Variants in RAD54B observed in about 807,000 individuals in gnomAD.
RAD54B encodes the protein RAD54 homolog B.
Under a neutral mutation model 95.8 loss-of-function variants are expected in RAD54B, and 78 were observed. The ratio of observed to expected loss-of-function variants is 0.81; its 90% CI spans 0.68 to 0.98. The LOEUF is 0.98. Among genes scored for constraint, RAD54B ranks in the 50% least tolerant of loss-of-function variants. The probability of loss-of-function intolerance (pLI) is 0.00; values close to 1 mark genes in which losing one functional copy is unlikely to be tolerated. For synonymous variants in RAD54B, 328 were observed against 354.9 expected (o/e 0.92, Z 0.85); for missense variants, 957 against 1,056.6 (o/e 0.91, Z 1.31).
At chr8:94,423,443 G>T (rs1375480810) in intron 3 of RAD54B, among the ~76,000 whole-genome samples, 1 of 152,122 alleles carries the variant, frequency 6.6e-6, no homozygotes, top group African/African-American at 2.4e-5. Context: ...AAATTTTGTA[G>T]CAAAGATTCA....
At chr8:94,406,003 T>TACACAC (rs10640285) in intron 5 of RAD54B, among the ~76,000 whole-genome samples, 11,395 of 147,792 alleles carry the variant, frequency 0.077, 737 homozygotes, top group African/African-American at 0.18. Flanking sequence ...GAAGTGCTTT[T>TACACAC]ACACACACAC....
chr8:94,422,752 TTA>T (rs369490267), intron 3 of RAD54B, among the ~76,000 whole-genome samples: 1,561 of 125,304 alleles, frequency 0.012, 35 homozygotes, highest in African/African-American at 0.041. Context: ...CCACAAAAAA[TTA>T]TATATATATA....
chr8:94,452,440 T>G (rs1385492160), intron 3 of RAD54B, among the ~76,000 whole-genome samples: 25 of 152,200 alleles, frequency 1.6e-4, no homozygotes, highest in Admixed American at 1.6e-3. Context: ...ACATTACACA[T>G]ATACATACAA....
rs560682651 is a variant in RAD54B, at chr8:94,406,598, C to T, written c.781+841G>A. Among the ~76,000 whole-genome samples the T allele has an allele frequency of 5.3e-5, 8 of 152,242 alleles. No individual in the cohort carries two copies. The East Asian group carries it at 1.5e-3, about 29-fold the overall frequency. On this transcript the variant is annotated intron_variant, in intron 5 of 14. Coordinates refer to ENST00000336148, the MANE Select transcript of RAD54B (RefSeq NM_012415.3). Reference sequence around the variant, plus strand: ...TCATCTTCCTGGGCCTCAGTTTTCTCCAATGCAAAGTGAAGAGACGAATCT... The same window carrying T: ...TCATCTTCCTGGGCCTCAGTTTTCTTCAATGCAAAGTGAAGAGACGAATCT...
chr8:94,462,644 T>G (rs1277020915), intron 2 of RAD54B, among the ~76,000 whole-genome samples: 1 of 152,098 alleles, frequency 6.6e-6, no homozygotes, highest in Non-Finnish European at 1.5e-5. Context: ...TAAGAAATAG[T>G]TTAAAAACAA....
intron 3 of RAD54B, among the ~76,000 whole-genome samples, chr8:94,420,251 A>ATAT (rs1244145955): frequency 3.4e-5 from 4 of 117,034 alleles, no homozygotes; most frequent in African/African-American, 1.3e-4. Flanking sequence ...AGAAAACTTG[A>ATAT]TTTTTTTTTT....
At chr8:94,398,604 A>C (rs1294912616) in intron 8 of RAD54B, among the ~76,000 whole-genome samples, 1 of 152,144 alleles carries the variant, frequency 6.6e-6, no homozygotes, top group Non-Finnish European at 1.5e-5. Context: ...AAAAGGGCTG[A>C]AGATGGTAGG....
At chr8:94,459,320 T>C (rs978540420) in intron 2 of RAD54B, among the ~76,000 whole-genome samples, 3 of 151,642 alleles carry the variant, frequency 2.0e-5, no homozygotes, top group African/African-American at 7.3e-5. Flanking sequence ...ACCCAGCTAA[T>C]GTTTTTTTTT....
At chr8:94,390,948 A>C (rs949349986) in intron 10 of RAD54B, among the ~76,000 whole-genome samples, 3 of 152,170 alleles carry the variant, frequency 2.0e-5, no homozygotes, top group African/African-American at 7.2e-5. Flanking sequence ...GTCTGTGCGC[A>C]CTTAACATCA....
chr8:94,390,057 C>T (rs1040860297), intron 10 of RAD54B, among the ~76,000 whole-genome samples: 2 of 151,870 alleles, frequency 1.3e-5, no homozygotes, highest in African/African-American at 2.4e-5. Flanking sequence ...TTTTAAGTTG[C>T]GGCTGGGCGC....
intron 4 of RAD54B, among the ~76,000 whole-genome samples, chr8:94,407,949 T>C (rs1811436278): frequency 6.6e-6 from 1 of 152,208 alleles, no homozygotes; most frequent in Non-Finnish European, 1.5e-5. Flanking sequence ...TTTTTTACTA[T>C]TGAAAATATA....
intron 2 of RAD54B, among the ~76,000 whole-genome samples, chr8:94,459,879 C>A (rs1563665418): frequency 6.7e-6 from 1 of 149,934 alleles, no homozygotes; most frequent in Non-Finnish European, 1.5e-5. Context: ...AAAAATTAGG[C>A]CGGGCGCAGT....
chr8:94,382,899 G>C (rs964417760), intron 11 of RAD54B, among the ~76,000 whole-genome samples: 8 of 152,166 alleles, frequency 5.3e-5, no homozygotes, highest in African/African-American at 1.9e-4. Context: ...CAGCCATGTG[G>C]AACTGTGAGT....
At chr8:94,457,189 G>A (rs1016151604) in intron 3 of RAD54B, among the ~76,000 whole-genome samples, 1 of 152,138 alleles carries the variant, frequency 6.6e-6, no homozygotes, top group East Asian at 1.9e-4. Flanking sequence ...AAGAAAATCT[G>A]GGAAAACAGA....
chr8:94,392,937 A>G (rs962521616), intron 9 of RAD54B, among the ~76,000 whole-genome samples: 2 of 151,248 alleles, frequency 1.3e-5, no homozygotes, highest in African/African-American at 2.4e-5. Context: ...CCCGGGTTCA[A>G]GTGATTCTCC....
At chr8:94,422,045 C>T (rs1399492577) in intron 3 of RAD54B, among the ~76,000 whole-genome samples, 1 of 152,138 alleles carries the variant, frequency 6.6e-6, no homozygotes, top group African/African-American at 2.4e-5. Context: ...AAATTAACTT[C>T]TACTCTCTGT....
At chr8:94,430,310 CAAAA>C (rs60634729) in intron 3 of RAD54B, 146 of 867,342 alleles carry the variant, frequency 1.7e-4, no homozygotes, top group Non-Finnish European at 1.8e-4. Flanking sequence ...GACTCCATCT[CAAAA>C]AAAAAAAAAA....
At chr8:94,383,322 T>C (rs896188281) in intron 11 of RAD54B, among the ~76,000 whole-genome samples, 5 of 144,944 alleles carry the variant, frequency 3.4e-5, no homozygotes, top group South Asian at 2.2e-4. Context: ...ATGACAGCTA[T>C]GTAGCAAGAT....
At chr8:94,374,075 C>G (rs1017511586) in intron 14 of RAD54B, among the ~76,000 whole-genome samples, 1 of 152,066 alleles carries the variant, frequency 6.6e-6, no homozygotes, top group Non-Finnish European at 1.5e-5. Context: ...GTCAGGTGAT[C>G]GAGACCATCC....
Sources: allele counts gnomAD v4.1 joint callset (sites outside exome capture counted in the v4.1 genomes callset), GRCh38; gene constraint gnomAD v4.1.1; transcripts MANE v1.5; gene names NCBI Gene and HGNC (gene_info 2026-07-23, HGNC 2026-07-21).